The following CHST9 variants were observed in gnomAD, a reference collection of about 807,000 sequenced individuals.
CHST9 encodes carbohydrate sulfotransferase 9.
In CHST9, 41 loss-of-function variants were observed where a neutral mutation model predicts 44.4. The observed-to-expected ratio is 0.92, with a 90% CI of 0.72 to 1.20. The LOEUF is 1.20. Among genes scored for constraint, CHST9 ranks in the 50% most tolerant of loss-of-function variants. The pLI is 0.00. For missense variants in CHST9, 504 were observed against 516.5 expected (o/e 0.98, Z 0.23); for synonymous variants, 171 against 178.4 (o/e 0.96, Z 0.33).
At chr18:27,090,779 G>A (rs1220239320) in intron 2 of CHST9, among the ~76,000 whole-genome samples, 2 of 152,022 alleles carry the variant, frequency 1.3e-5, no homozygotes. Flanking sequence ...TATTTCTGAG[G>A]CCTCTGTTCT....
At chr18:26,971,885 A>G (rs1206478999) in intron 4 of CHST9, among the ~76,000 whole-genome samples, 2 of 144,452 alleles carry the variant, frequency 1.4e-5, no homozygotes, top group African/African-American at 2.5e-5. Flanking sequence ...TGCCTGGTGG[A>G]GCTTATTCCA....
intron 2 of CHST9, among the ~76,000 whole-genome samples, chr18:27,056,939 C>A (rs1166276851): frequency 6.6e-6 from 1 of 152,142 alleles, no homozygotes; most frequent in Admixed American, 6.5e-5. Context: ...TGATGAAAAC[C>A]AAATTTACAT....
intron 2 of CHST9, among the ~76,000 whole-genome samples, chr18:27,050,595 A>G (rs1021432265): frequency 6.6e-6 from 1 of 152,190 alleles, no homozygotes; most frequent in Non-Finnish European, 1.5e-5. Context: ...AATTCATTTA[A>G]CTGGCACCTT....
At chr18:27,132,464 A>G (rs955119583) in intron 2 of CHST9, among the ~76,000 whole-genome samples, 2 of 152,190 alleles carry the variant, frequency 1.3e-5, no homozygotes, top group East Asian at 3.9e-4. Context: ...CACCAGCTTC[A>G]CTTGTCTTCC....
chr18:27,157,161 T>C (rs1459474693), intron 1 of CHST9, among the ~76,000 whole-genome samples: 1 of 152,116 alleles, frequency 6.6e-6, no homozygotes, highest in East Asian at 1.9e-4. Flanking sequence ...CTATTTCTGT[T>C]AATGATTAGC....
At chr18:26,918,836 ACGTGTACAGCCC>A (rs976594164) in intron 5 of CHST9, among the ~76,000 whole-genome samples, 15 of 152,132 alleles carry the variant, frequency 9.9e-5, no homozygotes, top group East Asian at 1.9e-4. Flanking sequence ...CCATATGCCA[ACGTGTACAGCCC>A]CGTGTATAGC....
chr18:26,951,808 GCCA>G (rs1467376986), intron 4 of CHST9, among the ~76,000 whole-genome samples: 2 of 152,256 alleles, frequency 1.3e-5, no homozygotes, highest in African/African-American at 4.8e-5. Context: ...GGAATAATGT[GCCA>G]CCTGTGTCTT....
chr18:26,951,995 G>A (rs1469982881), intron 4 of CHST9, among the ~76,000 whole-genome samples: 2 of 152,162 alleles, frequency 1.3e-5, no homozygotes, highest in African/African-American at 4.8e-5. Flanking sequence ...AACTAGAGGT[G>A]GGTTCCTGAT....
chr18:27,065,043 C>T (rs1170489187), intron 2 of CHST9, among the ~76,000 whole-genome samples: 1 of 152,148 alleles, frequency 6.6e-6, no homozygotes, highest in Non-Finnish European at 1.5e-5. Flanking sequence ...AGCTTTTCTT[C>T]CTGTGTGTAA....
At position 27,053,256 on chromosome 18, in the gene CHST9, A is replaced by AAGAAGG. The variant is rs1222225670; in HGVS notation, c.122-4759_122-4754dup. Among the ~76,000 whole-genome samples, 307 of 80,472 alleles carry AAGAAGG rather than the reference A, an allele frequency of 3.8e-3. 3 individuals carry two copies. Among genetic ancestry groups the AAGAAGG allele is most frequent in the South Asian group, 4.9e-3 (10 of 2,030 alleles). 52.8% of individuals were successfully genotyped at this position (80,472 alleles called of 152,430 possible). On this transcript the variant is annotated intron_variant, in intron 2 of 5. Coordinates refer to ENST00000618847, the MANE Select transcript of CHST9 (RefSeq NM_031422.6). ...GAAGAAGAAGAAGAAGAAGAAGAAG[A>AAGAAGG]AGAAGGAGAAGGAGAAGGAGAAGGA...
chr18:27,033,826 A>G (rs995956749), intron 3 of CHST9, among the ~76,000 whole-genome samples: 1 of 152,178 alleles, frequency 6.6e-6, no homozygotes, highest in Non-Finnish European at 1.5e-5. Context: ...AACAGAGCCT[A>G]TCTAAATATG....
chr18:27,094,880 G>A (rs1275456714), intron 2 of CHST9, among the ~76,000 whole-genome samples: 1 of 152,138 alleles, frequency 6.6e-6, no homozygotes, highest in Non-Finnish European at 1.5e-5. Context: ...CAAAGCCTAA[G>A]ATTCTGTCTT....
intron 4 of CHST9, among the ~76,000 whole-genome samples, chr18:27,001,647 T>C (rs1454847408): frequency 6.6e-6 from 1 of 150,852 alleles, no homozygotes; most frequent in Admixed American, 6.6e-5. Context: ...TATGCCCTCC[T>C]GATTCTGTTT....
intron 2 of CHST9, among the ~76,000 whole-genome samples, chr18:27,073,834 A>G (rs2057870143): frequency 6.6e-6 from 1 of 152,102 alleles, no homozygotes; most frequent in Admixed American, 6.5e-5. Context: ...TATACTGACT[A>G]TATATAGTCA....
chr18:26,944,351 AT>A lies in CHST9; in HGVS notation c.217del (p.Ile73SerfsTer36). The A allele has an allele frequency of 6.2e-7, 1 of 1,608,804 alleles. No homozygotes were observed. Among genetic ancestry groups the A allele is most frequent in the Non-Finnish European group, 8.5e-7 (1 of 1,175,768 alleles). On this transcript the variant is annotated frameshift_variant, in exon 5 of 6. Coordinates refer to ENST00000618847, the MANE Select transcript of CHST9 (RefSeq NM_031422.6). LOFTEE classifies it high-confidence loss of function. ...TACCTGGTTGGTGATATGTTCCTGG[AT>A]TTTTTCTGTACTCACTGAAAGAGAA... ...PVPRIMSTEKIQEHITNQNPK... is the reference protein window; with the variant it reads ...PVPRIMSTEKXQEHITNQNPK...
intron 2 of CHST9, among the ~76,000 whole-genome samples, chr18:27,103,483 G>A (rs1255291078): frequency 2.6e-5 from 4 of 152,204 alleles, no homozygotes; most frequent in Non-Finnish European, 5.9e-5. Context: ...CAATCAAGGT[G>A]AATGAAAATC....
At chr18:26,977,178 TA>T (rs2145183458) in intron 4 of CHST9, among the ~76,000 whole-genome samples, 1 of 152,124 alleles carries the variant, frequency 6.6e-6, no homozygotes, top group East Asian at 1.9e-4. Flanking sequence ...TGCCAATATA[TA>T]AAGCCTTTTA....
At chr18:27,083,267 G>A (rs2057978182) in intron 2 of CHST9, among the ~76,000 whole-genome samples, 1 of 152,066 alleles carries the variant, frequency 6.6e-6, no homozygotes, top group Non-Finnish European at 1.5e-5. Flanking sequence ...ATGTACAATT[G>A]TGAAGGGCTT....
intron 2 of CHST9, among the ~76,000 whole-genome samples, chr18:27,104,343 G>C (rs1032007602): frequency 2.6e-5 from 4 of 152,210 alleles, no homozygotes; most frequent in African/African-American, 7.2e-5. Flanking sequence ...AATTTTCTGT[G>C]CTGTGCTAAC....
Sources: allele counts gnomAD v4.1 joint callset (sites outside exome capture counted in the v4.1 genomes callset), GRCh38; gene constraint gnomAD v4.1.1; transcripts MANE v1.5; gene names NCBI Gene and HGNC (gene_info 2026-07-23, HGNC 2026-07-21).